Variants in ADAMTS17 observed in about 807,000 individuals in gnomAD.
ADAMTS17 encodes ADAM metallopeptidase with thrombospondin type 1 motif 17.
In ADAMTS17, 113 loss-of-function variants were observed where a neutral mutation model predicts 141.5. The ratio of observed to expected loss-of-function variants is 0.80; its 90% CI spans 0.69 to 0.93. The LOEUF is 0.93. Ranked by LOEUF, ADAMTS17 falls within the 40% of genes least tolerant of loss-of-function variation. The pLI, the probability that ADAMTS17 is intolerant of heterozygous loss-of-function variation, is 0.00. For missense variants in ADAMTS17, 1,659 were observed against 1,517.9 expected (o/e 1.09, Z -1.54); for synonymous variants, 768 against 630.6 (o/e 1.22, Z -3.27).
chr15:100,139,367 TAA>T (rs1201540602), intron 10 of ADAMTS17, among the ~76,000 whole-genome samples: 1 of 152,202 alleles, frequency 6.6e-6, no homozygotes, highest in Non-Finnish European at 1.5e-5. Flanking sequence ...CTCATTGACA[TAA>T]AAGACCCAGA....
rs139874719 is a variant in ADAMTS17, at chr15:100,155,675, C to A, written c.1182-355G>T. Among the ~76,000 whole-genome samples the A allele has an allele frequency of 2.5e-3, 387 of 152,320 alleles. 1 individual carries two copies. The highest frequency in any genetic ancestry group is 0.014 in the South Asian group (68 of 4,828). On this transcript the variant is annotated intron_variant, in intron 8 of 21. Coordinates refer to ENST00000268070, the MANE Select transcript of ADAMTS17 (RefSeq NM_139057.4). The stretch of plus-strand genomic sequence containing the variant: ...TTCTTACATTAAATATTCCAATGTT[C>A]ATGGTTTTGGTGTTTCTGTTCCTTA...
chr15:100,087,678 T>A (rs1024196773), intron 15 of ADAMTS17, among the ~76,000 whole-genome samples: 2 of 152,126 alleles, frequency 1.3e-5, no homozygotes, highest in South Asian at 4.1e-4. Flanking sequence ...GCAAGGCTGG[T>A]TCAACATACA....
At chr15:100,009,767 G>A (rs2061121243) in intron 18 of ADAMTS17, among the ~76,000 whole-genome samples, 2 of 152,178 alleles carry the variant, frequency 1.3e-5, no homozygotes, top group Admixed American at 6.5e-5. Flanking sequence ...AAACAGAGAT[G>A]GTCACATTCA....
chr15:100,045,764 A>C (rs948352759), intron 18 of ADAMTS17, among the ~76,000 whole-genome samples: 1 of 152,178 alleles, frequency 6.6e-6, no homozygotes. Context: ...GCTAGTCTCA[A>C]TGCAACTAGG....
chr15:100,054,903 G>A (rs763673245), intron 15 of ADAMTS17, among the ~76,000 whole-genome samples: 2 of 152,168 alleles, frequency 1.3e-5, no homozygotes, highest in Non-Finnish European at 2.9e-5. Context: ...CGCTCACCAG[G>A]ATTTTTCTTG....
chr15:100,083,262 C>G (rs1246964581), intron 15 of ADAMTS17, among the ~76,000 whole-genome samples: 1 of 152,192 alleles, frequency 6.6e-6, no homozygotes, highest in Admixed American at 6.5e-5. Flanking sequence ...AGTGACCTCA[C>G]TCTGCAGGGC....
chr15:99,983,475 C>G (rs2727212), intron 20 of ADAMTS17, among the ~76,000 whole-genome samples: 9,148 of 152,210 alleles, frequency 0.06, 809 homozygotes, highest in African/African-American at 0.19. Context: ...TCCTTCCCCA[C>G]AGCGGGATTC....
chr15:100,080,005 T>C (rs1017699771), intron 15 of ADAMTS17, among the ~76,000 whole-genome samples: 3 of 152,146 alleles, frequency 2.0e-5, no homozygotes, highest in Non-Finnish European at 2.9e-5. Flanking sequence ...TGAGGCAAAG[T>C]TCTCCAGCAG....
At chr15:99,983,656 GGCA>G (rs1194547408) in intron 20 of ADAMTS17, among the ~76,000 whole-genome samples, 2 of 152,106 alleles carry the variant, frequency 1.3e-5, no homozygotes, top group East Asian at 3.9e-4. Flanking sequence ...GAGTGGCCCA[GGCA>G]GGGCTGCCCC....
chr15:100,044,193 T>C (rs535508940), intron 18 of ADAMTS17, among the ~76,000 whole-genome samples: 2 of 152,334 alleles, frequency 1.3e-5, no homozygotes, highest in Admixed American at 6.5e-5. Context: ...TGATTACCTC[T>C]CATCTGTCTT....
chr15:100,263,198 G>A lies in ADAMTS17; in HGVS notation c.790-763C>T, dbSNP rs890617369. 2.0e-5 allele frequency among the ~76,000 whole-genome samples: 3 copies of A among 152,178 alleles called. 1 individual carries two copies. The highest frequency in any genetic ancestry group is 6.3e-3 in the Middle Eastern group (2 of 316). ...GGGCTGGGGGAGACAGATGCCTGCT[G>A]CTGAACGCCAGCCTGTGTCATTGCT... On this transcript the variant is annotated intron_variant, in intron 4 of 21. Coordinates refer to ENST00000268070, the MANE Select transcript of ADAMTS17 (RefSeq NM_139057.4).
At chr15:100,029,469 G>A (rs1483477640) in intron 18 of ADAMTS17, among the ~76,000 whole-genome samples, 1 of 152,158 alleles carries the variant, frequency 6.6e-6, no homozygotes, top group Non-Finnish European at 1.5e-5. Flanking sequence ...GAGGAGAAAT[G>A]GGGAGTGCTT....
At chr15:100,081,021 A>G (rs1340944876) in intron 15 of ADAMTS17, among the ~76,000 whole-genome samples, 1 of 152,214 alleles carries the variant, frequency 6.6e-6, no homozygotes, top group African/African-American at 2.4e-5. Flanking sequence ...GATACAAAGT[A>G]TTGATCCTGG....
At chr15:100,235,637 T>G (rs1478202864) in intron 7 of ADAMTS17, among the ~76,000 whole-genome samples, 1 of 152,232 alleles carries the variant, frequency 6.6e-6, no homozygotes, top group African/African-American at 2.4e-5. Flanking sequence ...CAGGTTTTGC[T>G]GATGCTGTGG....
At chr15:100,143,428 T>C (rs1249562544) in intron 10 of ADAMTS17, among the ~76,000 whole-genome samples, 2 of 152,230 alleles carry the variant, frequency 1.3e-5, no homozygotes, top group Admixed American at 6.5e-5. Context: ...ATTGGGCTAA[T>C]TGCATAAAGT....
intron 4 of ADAMTS17, among the ~76,000 whole-genome samples, chr15:100,273,536 C>A (rs10153034): frequency 0.019 from 2,925 of 152,162 alleles, 75 homozygotes; most frequent in African/African-American, 0.066. Flanking sequence ...TAGAATGGGT[C>A]GTAATGTCCC....
At chr15:100,274,157 T>C (rs999464344) in intron 4 of ADAMTS17, among the ~76,000 whole-genome samples, 7 of 152,174 alleles carry the variant, frequency 4.6e-5, no homozygotes, top group Non-Finnish European at 8.8e-5. Flanking sequence ...TCTTCCATTG[T>C]TGTTGGGTAG....
rs140178340 is a variant in ADAMTS17 at position 100,155,163 on chromosome 15, A to G, written c.1322+17T>C. 164 of 1,614,192 alleles carry G rather than the reference A, an allele frequency of 1.0e-4. 2 individuals carry two copies. In the East Asian group the frequency reaches 3.6e-3, roughly 35 times the overall value. ...CTTTTGATTGCATTCATCCTATAGA[A>G]TAATTCCAGGACTTACTTGAGGAAG... is the stretch of plus-strand genomic sequence containing the variant. On this transcript the variant is annotated intron_variant, in intron 9 of 21. Transcript: ENST00000268070.
At chr15:100,110,456 C>T (rs973657674) in intron 13 of ADAMTS17, among the ~76,000 whole-genome samples, 5 of 151,482 alleles carry the variant, frequency 3.3e-5, no homozygotes, top group African/African-American at 1.2e-4. Flanking sequence ...AGTAGAGACA[C>T]CGTTTCACCG....
Sources: gnomAD v4.1 joint callset for allele counts (sites outside exome capture counted in the v4.1 genomes callset) on GRCh38, gnomAD v4.1.1 for gene constraint, MANE v1.5 for transcripts, NCBI Gene and HGNC (gene_info 2026-07-23, HGNC 2026-07-21) for gene names.